Variants in ASAP1 observed in about 807,000 individuals in gnomAD.
ASAP1 encodes ArfGAP with SH3 domain, ankyrin repeat and PH domain 1, also known as arf-GAP with SH3 domain, ANK repeat and PH domain-containing protein 1.
Under a neutral mutation model 145.2 loss-of-function variants are expected in ASAP1, and 43 were observed. That is an observed-to-expected ratio of 0.30 (90% CI 0.23 to 0.38). ASAP1 has a LOEUF of 0.38. Among genes scored for constraint, ASAP1 ranks in the 10% least tolerant of loss-of-function variants. The pLI is 1.00. For synonymous variants in ASAP1, 546 were observed against 515.5 expected (o/e 1.06, Z -0.80); for missense variants, 1,018 against 1,355.3 (o/e 0.75, Z 3.91).
intron 27 of ASAP1, among the ~76,000 whole-genome samples, chr8:130,073,219 T>C (rs1247323861): frequency 1.3e-5 from 2 of 150,182 alleles, no homozygotes; most frequent in Non-Finnish European, 3.0e-5. Context: ...GAGAAACCCC[T>C]GTCTCTACTA....
intron 4 of ASAP1, 151 bp from the exon 5 acceptor site, chr8:130,214,852 T>C (rs954563964): frequency 1.6e-6 from 1 of 608,032 alleles, no homozygotes; most frequent in Non-Finnish European, 2.7e-6. Flanking sequence ...AGGTTAGGAG[T>C]ACACTAAATA....
chr8:130,305,750 C>T (rs1014590342), intron 3 of ASAP1, among the ~76,000 whole-genome samples: 1 of 152,154 alleles, frequency 6.6e-6, no homozygotes, highest in Admixed American at 6.5e-5. Flanking sequence ...AGATCAGTTA[C>T]ACTAGCCTTA....
chr8:130,396,404 G>A (rs1828533060), intron 2 of ASAP1, among the ~76,000 whole-genome samples: 1 of 152,138 alleles, frequency 6.6e-6, no homozygotes, highest in Non-Finnish European at 1.5e-5. Context: ...AGGAAGACAA[G>A]ACCAGCATCA....
At chr8:130,363,665 A>G (rs530004876) in intron 2 of ASAP1, among the ~76,000 whole-genome samples, 1 of 152,204 alleles carries the variant, frequency 6.6e-6, no homozygotes, top group Non-Finnish European at 1.5e-5. Context: ...AAGTATTACA[A>G]TAATGGAAAC....
chr8:130,410,224 T>C lies in ASAP1; in HGVS notation c.-27-8254A>G, dbSNP rs934807539. Among the ~76,000 whole-genome samples, 11 of 152,146 alleles carry C rather than the reference T, an allele frequency of 7.2e-5. No homozygotes were observed. In the South Asian group the frequency reaches 1.7e-3, roughly 23 times the overall value. On this transcript the variant is annotated intron_variant, in intron 1 of 29. Coordinates refer to ENST00000518721, the MANE Select transcript of ASAP1 (RefSeq NM_018482.4). ...TGGTCTCTGCTTAAGGAATAAGACCTTCGTCAAAAAACCTCACCGACAACA... is the reference window on the plus strand; with the variant it reads ...TGGTCTCTGCTTAAGGAATAAGACCCTCGTCAAAAAACCTCACCGACAACA...
At chr8:130,151,937 T>G (rs187639682) in intron 13 of ASAP1, among the ~76,000 whole-genome samples, 249 of 152,356 alleles carry the variant, frequency 1.6e-3, no homozygotes, top group African/African-American at 5.8e-3. Flanking sequence ...TGCTTCAGTT[T>G]CTTCATCTGT....
chr8:130,297,178 A>C (rs1325261781), intron 3 of ASAP1, among the ~76,000 whole-genome samples: 1 of 152,178 alleles, frequency 6.6e-6, no homozygotes, highest in African/African-American at 2.4e-5. Context: ...GTTTTTAAAA[A>C]ATATATTATC....
chr8:130,280,399 G>C (rs965657360), intron 3 of ASAP1, among the ~76,000 whole-genome samples: 8 of 152,218 alleles, frequency 5.3e-5, no homozygotes, highest in African/African-American at 1.9e-4. Context: ...GTCTACTTGT[G>C]ATAATGGTTA....
intron 12 of ASAP1, among the ~76,000 whole-genome samples, chr8:130,158,709 A>G (rs1342270370): frequency 6.6e-6 from 1 of 152,010 alleles, no homozygotes; most frequent in South Asian, 2.1e-4. Flanking sequence ...CCGCTGGAGT[A>G]TTTTAAGCAG....
At position 130,159,941 on chromosome 8, in the gene ASAP1, T is replaced by C. The variant is rs773895929; in HGVS notation, c.933A>G (p.Gly311=). Residue 311 remains glycine (G), a synonymous_variant, in exon 12 of 30, where the codon GGA becomes GGG. Coordinates refer to ENST00000518721, the MANE Select transcript of ASAP1 (RefSeq NM_018482.4). ...TGCCCTGGAGCTGATGCATGCTGTA[T>C]CCTCCTTGCCGGCTCTGAGAATCCT... ...QKEDSQSRQG[G]YSMHQLQGNK... 7.4e-6 allele frequency: 12 copies of C among 1,614,048 alleles called. No individual in the cohort carries two copies. The highest frequency in any genetic ancestry group is 1.7e-5 in the Admixed American group (1 of 60,004).
At chr8:130,345,816 G>A (rs1825671866) in intron 3 of ASAP1, among the ~76,000 whole-genome samples, 1 of 152,166 alleles carries the variant, frequency 6.6e-6, no homozygotes, top group Non-Finnish European at 1.5e-5. Context: ...GTACAGAGCT[G>A]GTACTCAAAA....
chr8:130,384,891 G>A (rs1018244919), intron 2 of ASAP1, among the ~76,000 whole-genome samples: 1 of 152,192 alleles, frequency 6.6e-6, no homozygotes, highest in Non-Finnish European at 1.5e-5. Flanking sequence ...AGGCCGAGAT[G>A]ACCCCCGCCC....
intron 2 of ASAP1, among the ~76,000 whole-genome samples, chr8:130,359,435 AAAGAAG>A (rs144249791): frequency 0.034 from 5,238 of 152,066 alleles, 119 homozygotes; most frequent in Middle Eastern, 0.065. Flanking sequence ...ATTTGGTTTA[AAAGAAG>A]AAGAAGAAGA....
In ASAP1 at chr8:130,128,023, C is replaced by T. The variant is rs540789616; in HGVS notation, c.1285G>A (p.Ala429Thr). The stretch of plus-strand genomic sequence containing the variant: ...AGGTCTTCCAGGCTGTTCTCTCCCG[C>T]ACTCTGCTCTCCACGGAAGGCCATG... ...LTMAFRGEQS[A>T]GENSLEDLTK... Residue 429 changes from alanine (A) to threonine (T), a missense_variant, in exon 16 of 30, where the codon GCG becomes ACG. Physicochemically the swap from Ala to Thr is moderately conservative, Grantham distance 58. Around this residue, in one of 9 missense-constraint regions of ASAP1, gnomAD observed 153 missense variants for 221.6 expected, o/e 0.69. Coordinates refer to ENST00000518721, the MANE Select transcript of ASAP1 (RefSeq NM_018482.4). 20 of 1,614,000 alleles carry T rather than the reference C, an allele frequency of 1.2e-5. No individual in the cohort carries two copies. In the African/African-American group the frequency reaches 2.1e-4, roughly 17 times the overall value.
chr8:130,226,879 T>C (rs891898276), intron 4 of ASAP1, among the ~76,000 whole-genome samples: 2 of 152,182 alleles, frequency 1.3e-5, no homozygotes, highest in Non-Finnish European at 2.9e-5. Context: ...CTGTAGGTAA[T>C]TGCAATGCTT....
chr8:130,342,754 A>AACG (rs3079892), intron 3 of ASAP1, among the ~76,000 whole-genome samples: 107,688 of 151,678 alleles, frequency 0.71, 39,143 homozygotes, highest in African/African-American at 0.86. Flanking sequence ...AACTCTCAGA[A>AACG]ACAAGTTAAA....
intron 12 of ASAP1, among the ~76,000 whole-genome samples, chr8:130,153,939 A>G (rs539225547): frequency 6.6e-6 from 1 of 152,306 alleles, no homozygotes; most frequent in Admixed American, 6.5e-5. Flanking sequence ...CATGCCCGTA[A>G]TCCCAGCACT....
intron 6 of ASAP1, 132 bp from the exon 7 acceptor site, chr8:130,187,417 AC>A: frequency 1.4e-6 from 1 of 717,374 alleles, no homozygotes; most frequent in Non-Finnish European, 2.3e-6. Flanking sequence ...TGCACGTTAC[AC>A]CATTTTTTTT....
chr8:130,135,634 GT>G (rs773884141), intron 14 of ASAP1, among the ~76,000 whole-genome samples: 1 of 152,210 alleles, frequency 6.6e-6, no homozygotes, highest in African/African-American at 2.4e-5. Context: ...TGGAGTCTGA[GT>G]TTTTTCTTCT....
Sources: allele counts gnomAD v4.1 joint callset (sites outside exome capture counted in the v4.1 genomes callset), GRCh38; gene constraint gnomAD v4.1.1; regional missense constraint gnomAD v4.1.1; transcripts MANE v1.5; gene names NCBI Gene and HGNC (gene_info 2026-07-23, HGNC 2026-07-21).